The following WWTR1 variants were observed in gnomAD, a reference collection of about 807,000 sequenced individuals.
The protein encoded by WWTR1 is WW domain-containing transcription regulator protein 1.
In WWTR1, 13 loss-of-function variants were observed where a neutral mutation model predicts 40.1. The observed-to-expected ratio is 0.32, with a 90% CI of 0.21 to 0.52. The LOEUF (loss-of-function observed/expected upper bound fraction) is 0.52. WWTR1 is among the 20% of genes least tolerant of loss of function. The pLI is 0.97. For synonymous variants in WWTR1, 230 were observed against 210.1 expected (o/e 1.09, Z -0.82); for missense variants, 436 against 523.1 (o/e 0.83, Z 1.63).
chr3:149,620,251 A>G (rs1740204879), intron 2 of WWTR1, among the ~76,000 whole-genome samples: 1 of 152,224 alleles, frequency 6.6e-6, no homozygotes, highest in Non-Finnish European at 1.5e-5. Context: ...TTTTAGATAA[A>G]GAACCCATAA....
intron 2 of WWTR1, among the ~76,000 whole-genome samples, chr3:149,639,105 A>C (rs1055925456): frequency 6.6e-6 from 1 of 152,212 alleles, no homozygotes; most frequent in Non-Finnish European, 1.5e-5. Flanking sequence ...CCATTCCAAA[A>C]AGATCTAGCA....
chr3:149,645,864 T>C (rs866690215), intron 2 of WWTR1, among the ~76,000 whole-genome samples: 1 of 152,228 alleles, frequency 6.6e-6, no homozygotes, highest in Non-Finnish European at 1.5e-5. Flanking sequence ...CTCCTGAGTC[T>C]GTCACTGGCA....
chr3:149,675,665 C>A (rs1023671954), intron 1 of WWTR1, among the ~76,000 whole-genome samples: 2 of 151,914 alleles, frequency 1.3e-5, no homozygotes, highest in African/African-American at 4.8e-5. Flanking sequence ...ATGGCCAGAA[C>A]CTAATTAAAA....
In WWTR1 at chr3:149,615,837, G is replaced by T. The variant is rs367743509; in HGVS notation, c.431+41039C>A. Among the ~76,000 whole-genome samples, 5 of 152,224 alleles carry T rather than the reference G, an allele frequency of 3.3e-5. No homozygotes were observed. In the East Asian group the frequency reaches 5.8e-4, roughly 18 times the overall value. On this transcript the variant is annotated intron_variant, in intron 2 of 6. Transcript: ENST00000360632. ...GAGGTGTCTGCTACATATATTGTTT[G>T]GTCCCTTTATAAATATTATTGTACG...
intron 4 of WWTR1, among the ~76,000 whole-genome samples, chr3:149,535,373 C>T (rs1025783152): frequency 9.2e-5 from 14 of 151,584 alleles, no homozygotes; most frequent in Admixed American, 6.6e-4. Context: ...CGGGGGACGG[C>T]GGGGGGAACA....
At chr3:149,585,621 T>A (rs955281052) in intron 2 of WWTR1, among the ~76,000 whole-genome samples, 5 of 152,138 alleles carry the variant, frequency 3.3e-5, no homozygotes, top group Admixed American at 6.5e-5. Context: ...CAGCCAAAGC[T>A]GCGATTCCTT....
At chr3:149,535,884 G>A (rs1456764570) in intron 4 of WWTR1, among the ~76,000 whole-genome samples, 3 of 151,978 alleles carry the variant, frequency 2.0e-5, no homozygotes, top group Non-Finnish European at 2.9e-5. Context: ...GTGATGATGC[G>A]CACCTGTAAT....
intron 2 of WWTR1, among the ~76,000 whole-genome samples, chr3:149,634,870 C>A (rs774993895): frequency 6.6e-6 from 1 of 152,228 alleles, no homozygotes. Flanking sequence ...GACCCGGCCA[C>A]GGTATATCCT....
chr3:149,636,396 G>A (rs561198669), intron 2 of WWTR1, among the ~76,000 whole-genome samples: 2 of 152,176 alleles, frequency 1.3e-5, no homozygotes, highest in Non-Finnish European at 2.9e-5. Context: ...AGGCAAGGAG[G>A]GGGTAGTAAA....
chr3:149,606,280 T>G (rs889660274), intron 2 of WWTR1, among the ~76,000 whole-genome samples: 1 of 152,224 alleles, frequency 6.6e-6, no homozygotes, highest in Non-Finnish European at 1.5e-5. Flanking sequence ...GCATATGTAT[T>G]TTCCTGTCCC....
chr3:149,650,276 T>C (rs934636256), intron 2 of WWTR1: 3 of 152,216 alleles, frequency 2.0e-5, no homozygotes, highest in African/African-American at 7.2e-5. Flanking sequence ...GACCTAATTA[T>C]GGGCCACACA....
intron 4 of WWTR1, among the ~76,000 whole-genome samples, chr3:149,723,709 G>A (rs940437335): frequency 6.6e-6 from 1 of 152,176 alleles, no homozygotes; most frequent in Admixed American, 6.5e-5. Context: ...TGTAGGAAGG[G>A]AAAAAGGTGT....
chr3:149,660,545 G>A (rs868498963), upstream of WWTR1, among the ~76,000 whole-genome samples: 8 of 152,228 alleles, frequency 5.3e-5, 1 homozygote, highest in South Asian at 4.1e-4. Flanking sequence ...ATTTGCTGTT[G>A]TCCCAGCCAT....
At chr3:149,533,884 G>T (rs1735702512) in intron 4 of WWTR1, among the ~76,000 whole-genome samples, 2 of 151,872 alleles carry the variant, frequency 1.3e-5, no homozygotes, top group Non-Finnish European at 2.9e-5. Context: ...GTGTTAAATG[G>T]TGTGGGAGGC....
chr3:149,522,533 A>G (rs1211696448), intron 6 of WWTR1, among the ~76,000 whole-genome samples: 1 of 152,226 alleles, frequency 6.6e-6, no homozygotes, highest in African/African-American at 2.4e-5. Flanking sequence ...AAACGAAAAA[A>G]CAAAATCCAA....
At chr3:149,642,289 C>T (rs1247469123) in intron 2 of WWTR1, among the ~76,000 whole-genome samples, 1 of 150,204 alleles carries the variant, frequency 6.7e-6, no homozygotes, top group African/African-American at 2.5e-5. Flanking sequence ...GCGTGGTGGC[C>T]CATGCCTGTA....
intron 4 of WWTR1, among the ~76,000 whole-genome samples, chr3:149,720,858 G>A (rs1715743360): frequency 6.6e-6 from 1 of 151,866 alleles, no homozygotes; most frequent in African/African-American, 2.4e-5. Context: ...TAATTCCTAG[G>A]TACTTTATTA....
At chr3:149,552,234 A>G (rs1736643980) in intron 3 of WWTR1, among the ~76,000 whole-genome samples, 1 of 144,962 alleles carries the variant, frequency 6.9e-6, no homozygotes, top group Non-Finnish European at 1.5e-5. Context: ...CCTACCCCTC[A>G]GGACCAATCA....
intron 2 of WWTR1, among the ~76,000 whole-genome samples, chr3:149,578,574 A>G (rs576826831): frequency 7.2e-5 from 11 of 152,226 alleles, no homozygotes; most frequent in Non-Finnish European, 1.3e-4. Flanking sequence ...TTGTGCAAAC[A>G]TAGTAAAGGC....
Sources: allele counts gnomAD v4.1 joint callset (sites outside exome capture counted in the v4.1 genomes callset), GRCh38; gene constraint gnomAD v4.1.1; transcripts MANE v1.5; gene names NCBI Gene and HGNC (gene_info 2026-07-23, HGNC 2026-07-21).